The following HDAC4 variants were observed in gnomAD, a reference collection of about 807,000 sequenced individuals.
The protein encoded by HDAC4 is histone deacetylase 4, also known as histone deacetylase A.
In HDAC4, 16 loss-of-function variants were observed where a neutral mutation model predicts 135.1. The observed-to-expected ratio is 0.12, with a 90% CI of 0.08 to 0.18. HDAC4 has a LOEUF of 0.18. Ranked by LOEUF, HDAC4 falls within the 10% of genes least tolerant of loss-of-function variation. The probability of loss-of-function intolerance (pLI) is 1.00; values close to 1 mark genes in which losing one functional copy is unlikely to be tolerated. For missense variants in HDAC4, 1,143 were observed against 1,511.8 expected (o/e 0.76, Z 4.05); for synonymous variants, 685 against 653.4 (o/e 1.05, Z -0.74).
intron 11 of HDAC4, among the ~76,000 whole-genome samples, chr2:239,128,540 A>T (rs570671769): frequency 6.6e-6 from 1 of 152,244 alleles, no homozygotes; most frequent in South Asian, 2.1e-4. Flanking sequence ...AAAAAAATAA[A>T]AAAAAGAAGG....
At chr2:239,060,887 G>C (rs1286586391) in intron 24 of HDAC4, among the ~76,000 whole-genome samples, 2 of 152,256 alleles carry the variant, frequency 1.3e-5, no homozygotes, top group East Asian at 3.9e-4. Flanking sequence ...GGAGCGCTGA[G>C]ATGTCCCTTA....
chr2:239,333,710 G>A (rs148083145), intron 2 of HDAC4, among the ~76,000 whole-genome samples: 112 of 152,162 alleles, frequency 7.4e-4, no homozygotes, highest in African/African-American at 2.6e-3. Context: ...ACCATTTTTT[G>A]TAGATGGAAA....
intron 2 of HDAC4, among the ~76,000 whole-genome samples, chr2:239,329,444 A>T (rs547936338): frequency 1.3e-5 from 2 of 152,018 alleles, no homozygotes; most frequent in Non-Finnish European, 2.9e-5. Flanking sequence ...TTGGGCTGGG[A>T]GGGCAGGGGC....
intron 2 of HDAC4, among the ~76,000 whole-genome samples, chr2:239,265,811 G>GCTCA (rs1453151618): frequency 3.9e-5 from 6 of 152,366 alleles, no homozygotes; most frequent in Middle Eastern, 3.4e-3. Flanking sequence ...TTATGCATGA[G>GCTCA]CTCAAGCATT....
chr2:239,209,165 T>TCAGGC (rs1413819917), intron 3 of HDAC4, among the ~76,000 whole-genome samples: 30 of 152,220 alleles, frequency 2.0e-4, no homozygotes, highest in African/African-American at 5.8e-4. Context: ...ACAGGTGTGA[T>TCAGGC]CAGGCCACTG....
intron 22 of HDAC4, among the ~76,000 whole-genome samples, chr2:239,078,305 T>C (rs1245669140): frequency 1.3e-5 from 2 of 152,182 alleles, no homozygotes; most frequent in East Asian, 1.9e-4. Context: ...GCAATTTTCT[T>C]ATCTTTTCTT....
At chr2:239,159,836 A>G (rs1359113009) in intron 6 of HDAC4, among the ~76,000 whole-genome samples, 3 of 152,218 alleles carry the variant, frequency 2.0e-5, no homozygotes, top group African/African-American at 4.8e-5. Flanking sequence ...CAGCCTGGGG[A>G]TGGGACACAG....
intron 2 of HDAC4, among the ~76,000 whole-genome samples, chr2:239,247,833 G>C (rs974974730): frequency 7.2e-5 from 11 of 152,220 alleles, no homozygotes; most frequent in Non-Finnish European, 1.3e-4. Context: ...TCCCTGGAGC[G>C]AGGTGGAGAA....
intron 22 of HDAC4, among the ~76,000 whole-genome samples, chr2:239,073,751 GT>G (rs1336105162): frequency 3.9e-5 from 6 of 152,260 alleles, no homozygotes; most frequent in Admixed American, 3.3e-4. Context: ...CGTGGAGTTG[GT>G]GTCGGCACTC....
chr2:239,260,498 G>A (rs942547082), intron 2 of HDAC4, among the ~76,000 whole-genome samples: 2 of 152,124 alleles, frequency 1.3e-5, no homozygotes, highest in African/African-American at 2.4e-5. Context: ...ATCCTTCATC[G>A]TGGTACAGAA....
In HDAC4 at chr2:239,364,012, C is replaced by T. The variant is rs139657680; in HGVS notation, c.-219-11094G>A. ...GCAGGGAAACGCGATAAAGCCACAA[C>T]GGAACACTCCATACCCACCAAAATG... On this transcript the variant is annotated intron_variant, in intron 1 of 26. Transcript: ENST00000543185. Among the ~76,000 whole-genome samples, 42 of 152,318 alleles carry T rather than the reference C, an allele frequency of 2.8e-4. 1 individual carries two copies. In the East Asian group the frequency reaches 7.9e-3, roughly 29 times the overall value.
intron 22 of HDAC4, among the ~76,000 whole-genome samples, chr2:239,072,332 CT>C (rs1201672991): frequency 6.6e-6 from 1 of 152,206 alleles, no homozygotes; most frequent in Non-Finnish European, 1.5e-5. Flanking sequence ...TAAAAGTCTC[CT>C]GGTATTTCCA....
intron 11 of HDAC4, among the ~76,000 whole-genome samples, chr2:239,131,245 C>A (rs1365401543): frequency 6.6e-6 from 1 of 152,194 alleles, no homozygotes. Flanking sequence ...GCTCACCCCT[C>A]TGGTCTCTGA....
chr2:239,067,823 C>T (rs1045800674), intron 23 of HDAC4, among the ~76,000 whole-genome samples: 32 of 152,188 alleles, frequency 2.1e-4, no homozygotes, highest in Non-Finnish European at 3.5e-4. Context: ...ACACTGTGGA[C>T]GCTGGGGCCT....
At chr2:239,298,347 C>T in intron 2 of HDAC4, 1 of 1,204,268 alleles carries the variant, frequency 8.3e-7, no homozygotes, top group East Asian at 5.8e-5. Flanking sequence ...GAAGATGCTT[C>T]CAGAACCTGA....
rs1325065326 is a variant in HDAC4 at position 239,051,247 on chromosome 2, A to T, written c.*1850T>A. On this transcript the variant is annotated 3_prime_UTR_variant, in exon 27 of 27. Coordinates refer to ENST00000543185, the MANE Select transcript of HDAC4 (RefSeq NM_001378414.1). ...TTAAAAAGAGCCCCTGGGCTTCTTT[A>T]TACAGCTCCTAGGACAGACCAGGAA... 1 of 152,428 alleles carries T rather than the reference A, an allele frequency of 6.6e-6. No individual in the cohort carries two copies. Among genetic ancestry groups the T allele is most frequent in the Non-Finnish European group, 1.5e-5 (1 of 68,048 alleles). The allele number at this position is 152,428 out of a possible 1,614,324, so 9.4% of individuals were successfully genotyped here.
chr2:239,335,269 A>G (rs978630322), intron 2 of HDAC4, among the ~76,000 whole-genome samples: 5 of 152,048 alleles, frequency 3.3e-5, no homozygotes, highest in African/African-American at 1.2e-4. Context: ...GTTGCATTGG[A>G]TAGCAGAGAA....
chr2:239,189,872 G>A lies in HDAC4; in HGVS notation c.300C>T (p.Leu100=), dbSNP rs752503712. 1.2e-5 allele frequency: 19 copies of A among 1,609,930 alleles called. No homozygotes were observed. The South Asian group carries it at 1.8e-4, about 15-fold the overall frequency. ...IAEFQRQHEQ[L]SRQHEAQLHE... is the part of the protein sequence containing the mutation. The stretch of plus-strand genomic sequence containing the variant: ...GGAGCTGCGCCTCGTGCTGCCGGGA[G>A]AGCTGCTCGTGCTGCCTCTGGAACT... The change falls in exon 4 of 27, where the codon CTC becomes CTT. Residue 100 remains leucine (L), a synonymous_variant. Coordinates refer to ENST00000543185, the MANE Select transcript of HDAC4 (RefSeq NM_001378414.1).
At position 239,308,084 on chromosome 2, in the gene HDAC4, C is replaced by A. The variant is rs2052695227; in HGVS notation, c.22+44594G>T. On this transcript the variant is annotated intron_variant, in intron 2 of 26. Transcript: ENST00000543185. The surrounding 1 kb of genome is among the most constrained non-coding windows in gnomAD (Gnocchi z 4.2). ...CCAACGGTGAGAGCCGGGCCCATCACAAGCCCTCTCTGGGCCTTGTCACTC... is the reference window on the plus strand; with the variant it reads ...CCAACGGTGAGAGCCGGGCCCATCAAAAGCCCTCTCTGGGCCTTGTCACTC... 6.6e-6 allele frequency among the ~76,000 whole-genome samples: 1 copy of A among 152,204 alleles called. No homozygotes were observed. The highest frequency in any genetic ancestry group is 1.5e-5 in the Non-Finnish European group (1 of 68,034).
Sources: allele counts gnomAD v4.1 joint callset (sites outside exome capture counted in the v4.1 genomes callset), GRCh38; gene constraint gnomAD v4.1.1; non-coding constraint Gnocchi (gnomAD v3.1); transcripts MANE v1.5; gene names NCBI Gene and HGNC (gene_info 2026-07-23, HGNC 2026-07-21).